DPY19L3: variants seen among roughly 807,000 people sequenced by gnomAD.
DPY19L3 encodes protein C-mannosyl-transferase DPY19L3.
A neutral mutation model predicts 92.3 loss-of-function variants in DPY19L3; 51 were observed. The ratio of observed to expected loss-of-function variants is 0.55; its 90% CI spans 0.44 to 0.70. The LOEUF is 0.70. Ranked by LOEUF, DPY19L3 falls within the 30% of genes least tolerant of loss-of-function variation. The pLI is 0.00. For missense variants in DPY19L3, 706 were observed against 855.9 expected (o/e 0.82, Z 2.18); for synonymous variants, 309 against 315.2 (o/e 0.98, Z 0.21).
At chr19:32,430,651 C>A (rs1480898077) in intron 3 of DPY19L3, among the ~76,000 whole-genome samples, 1 of 151,890 alleles carries the variant, frequency 6.6e-6, no homozygotes, top group Non-Finnish European at 1.5e-5. Flanking sequence ...GGCAGGGTCT[C>A]GCTCTATCAT....
rs1043557427 is a variant in DPY19L3 at position 32,485,775 on chromosome 19, G to C, written c.*3535G>C. ...ATGAGAGGGTGTCTTACTTTCTTGT[G>C]GCAATTGATTTTCTGTTTTAACACC... On this transcript the variant is annotated 3_prime_UTR_variant, in exon 19 of 19. Transcript: ENST00000392250. The C allele has an allele frequency of 6.6e-6, 1 of 152,104 alleles. No homozygotes were observed. The highest frequency in any genetic ancestry group is 1.5e-5 in the Non-Finnish European group (1 of 68,004). The allele number at this position is 152,104 out of a possible 1,614,324, so 9.4% of individuals were successfully genotyped here.
chr19:32,422,020 A>AC (rs1041677254), intron 3 of DPY19L3, among the ~76,000 whole-genome samples: 12 of 152,186 alleles, frequency 7.9e-5, no homozygotes, highest in Non-Finnish European at 1.0e-4. Context: ...ATTCTTGCTG[A>AC]CCTGAGCTGT....
chr19:32,423,725 T>C (rs1488176431), intron 3 of DPY19L3, among the ~76,000 whole-genome samples: 1 of 152,050 alleles, frequency 6.6e-6, no homozygotes, highest in Non-Finnish European at 1.5e-5. Context: ...TAAAAGATGG[T>C]GGAGGCTGAC....
chr19:32,466,720 G>A (rs539392024), intron 15 of DPY19L3, among the ~76,000 whole-genome samples: 1 of 152,354 alleles, frequency 6.6e-6, no homozygotes, highest in South Asian at 2.1e-4. Flanking sequence ...TTAGTATCCT[G>A]AGGAATCCTC....
At chr19:32,481,943 G>T in intron 18 of DPY19L3, 136 bp from the exon 19 acceptor site, 1 of 959,780 alleles carries the variant, frequency 1.0e-6, no homozygotes, top group Non-Finnish European at 1.5e-6. Context: ...ATCTCCAGGT[G>T]CCCATGGACA....
rs1487503786 is a variant in DPY19L3 at position 32,453,130 on chromosome 19, CT to C, written c.856-12del. 6.2e-7 allele frequency: 1 copy of C among 1,613,648 alleles called. No individual in the cohort carries two copies. Among genetic ancestry groups the C allele is most frequent in the South Asian group, 1.1e-5 (1 of 90,980 alleles). ...GGTAAAATGTCTGTACTCATCTAAT[CT>C]TTGGTTCTTGCAGGCGACATGGCTG... On this transcript the variant is annotated splice_polypyrimidine_tract_variant and intron_variant, in intron 8 of 18. Transcript: ENST00000392250.
intron 8 of DPY19L3, among the ~76,000 whole-genome samples, chr19:32,440,781 C>T (rs936669201): frequency 1.3e-5 from 2 of 152,106 alleles, no homozygotes; most frequent in African/African-American, 2.4e-5. Context: ...ACAACAAGAA[C>T]AAGCAGACAA....
chr19:32,426,846 A>G (rs565858140), intron 3 of DPY19L3, among the ~76,000 whole-genome samples: 1 of 152,350 alleles, frequency 6.6e-6, no homozygotes, highest in African/African-American at 2.4e-5. Flanking sequence ...AATGGTGTTG[A>G]TAGTTGTTTG....
intron 8 of DPY19L3, among the ~76,000 whole-genome samples, chr19:32,452,838 C>A (rs1424539533): frequency 2.0e-5 from 3 of 151,452 alleles, no homozygotes; most frequent in African/African-American, 7.3e-5. Context: ...GGATCACAGG[C>A]ACGAGCCACC....
At chr19:32,466,395 GC>G in intron 15 of DPY19L3, among the ~76,000 whole-genome samples, 1 of 152,196 alleles carries the variant, frequency 6.6e-6, no homozygotes, top group East Asian at 1.9e-4. Flanking sequence ...CCCTGCTGTA[GC>G]GGTCACAGGG....
At chr19:32,474,857 G>A (rs965188195) in intron 16 of DPY19L3, among the ~76,000 whole-genome samples, 2 of 152,178 alleles carry the variant, frequency 1.3e-5, no homozygotes, top group Non-Finnish European at 2.9e-5. Context: ...CCAAAGTGCT[G>A]GGATTACAGA....
At chr19:32,476,688 C>T (rs1208631123) in intron 16 of DPY19L3, among the ~76,000 whole-genome samples, 1 of 152,050 alleles carries the variant, frequency 6.6e-6, no homozygotes, top group Non-Finnish European at 1.5e-5. Flanking sequence ...AAAATCGTAG[C>T]GTGGTGGGAA....
At chr19:32,453,059 G>A (rs1969755226) in intron 8 of DPY19L3, 86 bp from the exon 9 acceptor site, 1 of 1,457,324 alleles carries the variant, frequency 6.9e-7, no homozygotes, top group African/African-American at 1.4e-5. Flanking sequence ...TGTAAGCTGA[G>A]GTGTATCCAC....
intron 8 of DPY19L3, among the ~76,000 whole-genome samples, chr19:32,440,184 A>T (rs1286032930): frequency 6.6e-6 from 1 of 152,226 alleles, no homozygotes; most frequent in Admixed American, 6.5e-5. Context: ...AGATGACTTA[A>T]ATTTTAAAAT....
chr19:32,473,655 C>T (rs1308150570), intron 16 of DPY19L3, among the ~76,000 whole-genome samples: 5 of 152,254 alleles, frequency 3.3e-5, no homozygotes, highest in Admixed American at 2.0e-4. Context: ...ATTTGCCTTA[C>T]GGGTAGAGTG....
At position 32,445,440 on chromosome 19, in the gene DPY19L3, C is replaced by CAAAAAAAAAAA. The variant is rs71336904; in HGVS notation, c.855+5541_855+5551dup. ...TGGGGGACAGAGCGAGACTTCATCT[C>CAAAAAAAAAAA]AAAAAAAAAAAAAAAAAAAAACCAT... On this transcript the variant is annotated intron_variant, in intron 8 of 18. Coordinates refer to ENST00000392250, the MANE Select transcript of DPY19L3 (RefSeq NM_001172774.2). 7.7e-4 allele frequency among the ~76,000 whole-genome samples: 33 copies of CAAAAAAAAAAA among 42,822 alleles called. 5 individuals are homozygous for CAAAAAAAAAAA. The highest frequency in any genetic ancestry group is 2.9e-3 in the Admixed American group (7 of 2,414). 28.1% of individuals were successfully genotyped at this position (42,822 alleles called of 152,430 possible). A position where few individuals can be genotyped will look rare whatever the true frequency, so the allele number is the denominator to read the frequency against.
chr19:32,467,965 TC>T, intron 15 of DPY19L3: 1 of 985,370 alleles, frequency 1.0e-6, no homozygotes, highest in Non-Finnish European at 1.2e-6. Flanking sequence ...TACCAGATAT[TC>T]CTGGAGAGCC....
chr19:32,439,383 T>C (rs1316210950), intron 7 of DPY19L3, 148 bp downstream of exon 7: 1 of 868,646 alleles, frequency 1.2e-6, no homozygotes, highest in African/African-American at 1.7e-5. Flanking sequence ...AAGTTTTCTT[T>C]TCGTGAGCTT....
At chr19:32,447,857 T>TAGATAGATAGAC (rs1568344203) in intron 8 of DPY19L3, among the ~76,000 whole-genome samples, 5 of 151,802 alleles carry the variant, frequency 3.3e-5, no homozygotes, top group African/African-American at 1.2e-4. Flanking sequence ...GATAGATAGA[T>TAGATAGATAGAC]AGAGCTGGCT....
Sources: allele counts gnomAD v4.1 joint callset (sites outside exome capture counted in the v4.1 genomes callset), GRCh38; gene constraint gnomAD v4.1.1; transcripts MANE v1.5; gene names NCBI Gene and HGNC (gene_info 2026-07-23, HGNC 2026-07-21).